Variants in CALN1 observed in about 807,000 individuals in gnomAD.
CALN1 encodes calneuron 1, also known as calcium-binding protein 8.
Under a neutral mutation model 30.6 loss-of-function variants are expected in CALN1, and 17 were observed. The observed-to-expected ratio is 0.56, with a 90% CI of 0.38 to 0.83. The LOEUF is 0.83. Ranked by LOEUF, CALN1 falls within the 40% of genes least tolerant of loss-of-function variation. The pLI is 0.00. For synonymous variants in CALN1, 156 were observed against 131.4 expected, an observed-to-expected ratio of 1.19 and a Z score of -1.28; for missense variants, 291 against 354.9, an observed-to-expected ratio of 0.82 and a Z score of 1.45.
chr7:72,380,428 G>T (rs1257891702), intron 2 of CALN1, among the ~76,000 whole-genome samples: 1 of 152,158 alleles, frequency 6.6e-6, no homozygotes, highest in African/African-American at 2.4e-5. Context: ...TTCCAGGCCT[G>T]CCTGGACAAC....
In CALN1 at chr7:71,947,622, C is replaced by T. The variant is rs1218236160; in HGVS notation, c.501+76035G>A. Among the ~76,000 whole-genome samples the T allele has an allele frequency of 2.0e-5, 3 of 152,192 alleles. No homozygotes were observed. In the South Asian group the frequency reaches 6.2e-4, roughly 32 times the overall value. ...CACATAAATGGGTCACCTTGAAATACTGTTCTCATAATGCAGTTACAATTT... is the reference window on the plus strand; with the variant it reads ...CACATAAATGGGTCACCTTGAAATATTGTTCTCATAATGCAGTTACAATTT... On this transcript the variant is annotated intron_variant, in intron 5 of 6. Coordinates refer to ENST00000395275, the MANE Select transcript of CALN1 (RefSeq NM_031468.4).
chr7:72,408,867 G>A (rs1334927912), intron 1 of CALN1, among the ~76,000 whole-genome samples: 3 of 151,204 alleles, frequency 2.0e-5, no homozygotes, highest in Non-Finnish European at 3.0e-5. Flanking sequence ...TTGTAGAGAT[G>A]CAGTTTCACC....
intron 5 of CALN1, among the ~76,000 whole-genome samples, chr7:71,958,515 C>T (rs1250857497): frequency 6.6e-6 from 1 of 152,104 alleles, no homozygotes; most frequent in Non-Finnish European, 1.5e-5. Context: ...CAAGTTTGCC[C>T]AGGCACATGT....
At chr7:71,945,199 T>A (rs1290150547) in intron 5 of CALN1, among the ~76,000 whole-genome samples, 1 of 150,980 alleles carries the variant, frequency 6.6e-6, no homozygotes, top group African/African-American at 2.5e-5. Context: ...AATAAAAGCT[T>A]CCCAAGGCCT....
intron 2 of CALN1, among the ~76,000 whole-genome samples, chr7:72,398,014 G>A (rs1260878016): frequency 6.6e-6 from 1 of 152,134 alleles, no homozygotes; most frequent in African/African-American, 2.4e-5. Flanking sequence ...CTGAAGTCCA[G>A]AAGAGCCAAG....
intron 5 of CALN1, among the ~76,000 whole-genome samples, chr7:71,908,002 A>G (rs1490506110): frequency 1.3e-5 from 2 of 152,236 alleles, no homozygotes; most frequent in Non-Finnish European, 2.9e-5. Context: ...TGAATCAGAA[A>G]TGTTTCCTAT....
chr7:71,951,247 T>C (rs1271101724), intron 5 of CALN1, among the ~76,000 whole-genome samples: 1 of 152,186 alleles, frequency 6.6e-6, no homozygotes, highest in Admixed American at 6.6e-5. Flanking sequence ...TAACACCATG[T>C]ACTCTCCAGA....
intron 3 of CALN1, among the ~76,000 whole-genome samples, chr7:72,231,685 C>T (rs1465043889): frequency 6.6e-6 from 1 of 152,084 alleles, no homozygotes; most frequent in Non-Finnish European, 1.5e-5. Flanking sequence ...CTTTCTCATA[C>T]GTAGGTACCT....
At chr7:71,893,858 A>G (rs1793391005) in intron 5 of CALN1, among the ~76,000 whole-genome samples, 1 of 152,220 alleles carries the variant, frequency 6.6e-6, no homozygotes, top group East Asian at 1.9e-4. Flanking sequence ...AGGAGCTGAC[A>G]TGAAGGCTAA....
chr7:72,172,571 A>G (rs1467928482), intron 3 of CALN1, among the ~76,000 whole-genome samples: 2 of 152,354 alleles, frequency 1.3e-5, no homozygotes, highest in Middle Eastern at 3.4e-3. Context: ...CTACAGAAAT[A>G]TATCAAAAGG....
At chr7:72,367,614 G>C (rs1056887876) in intron 2 of CALN1, among the ~76,000 whole-genome samples, 1 of 148,352 alleles carries the variant, frequency 6.7e-6, no homozygotes, top group African/African-American at 2.4e-5. Context: ...GGCAGAGCAA[G>C]ACCCTGTCTC....
intron 3 of CALN1, among the ~76,000 whole-genome samples, chr7:72,197,479 C>T (rs1002006620): frequency 6.6e-6 from 1 of 152,018 alleles, no homozygotes; most frequent in Non-Finnish European, 1.5e-5. Context: ...GGATTACAGG[C>T]GTGAGCCACC....
chr7:72,153,574 C>T (rs1014776739), intron 3 of CALN1, among the ~76,000 whole-genome samples: 25 of 151,758 alleles, frequency 1.6e-4, no homozygotes, highest in Admixed American at 3.9e-4. Flanking sequence ...GTCCCAGCTA[C>T]TCGGGAGGCT....
At chr7:72,261,949 G>A (rs368023995) in intron 3 of CALN1, among the ~76,000 whole-genome samples, 3 of 152,304 alleles carry the variant, frequency 2.0e-5, no homozygotes, top group East Asian at 3.9e-4. Flanking sequence ...CCTGAAAATA[G>A]GCATGCTAAC....
chr7:71,854,640 C>T (rs1427388795), intron 5 of CALN1, among the ~76,000 whole-genome samples: 1 of 152,158 alleles, frequency 6.6e-6, no homozygotes, highest in Non-Finnish European at 1.5e-5. Flanking sequence ...TAAAAAGTTA[C>T]TTTGAAGATT....
chr7:72,031,647 A>G (rs1272943095), intron 4 of CALN1, among the ~76,000 whole-genome samples: 3 of 151,888 alleles, frequency 2.0e-5, no homozygotes, highest in Non-Finnish European at 4.4e-5. Context: ...AGCTCACTGC[A>G]GCTTTGAACT....
intron 3 of CALN1, among the ~76,000 whole-genome samples, chr7:72,227,625 A>G (rs960179841): frequency 2.6e-5 from 4 of 152,046 alleles, no homozygotes; most frequent in Non-Finnish European, 4.4e-5. Context: ...TTAAAAAACT[A>G]TCTGTTGGGT....
intron 3 of CALN1, among the ~76,000 whole-genome samples, chr7:72,200,111 A>G (rs1260334877): frequency 4.6e-5 from 7 of 152,152 alleles, no homozygotes; most frequent in Admixed American, 4.6e-4. Flanking sequence ...TTTCTTCATA[A>G]ATGTTGATGC....
chr7:71,936,518 T>C (rs999887991), intron 5 of CALN1, among the ~76,000 whole-genome samples: 1 of 151,890 alleles, frequency 6.6e-6, no homozygotes, highest in Non-Finnish European at 1.5e-5. Flanking sequence ...CCTGGGAAAT[T>C]CTGGGGGAGG....
Sources: gnomAD v4.1 joint callset for allele counts (sites outside exome capture counted in the v4.1 genomes callset) on GRCh38, gnomAD v4.1.1 for gene constraint, MANE v1.5 for transcripts, NCBI Gene and HGNC (gene_info 2026-07-23, HGNC 2026-07-21) for gene names.